The following ZFHX3 variants were observed in gnomAD, a reference collection of about 807,000 sequenced individuals.
The protein encoded by ZFHX3 is zinc finger homeobox 3.
Under a neutral mutation model 279.1 loss-of-function variants are expected in ZFHX3, and 42 were observed. The ratio of observed to expected loss-of-function variants is 0.15; its 90% CI spans 0.12 to 0.19. ZFHX3 has a LOEUF of 0.19. Ranked by LOEUF, ZFHX3 falls within the 10% of genes least tolerant of loss-of-function variation. ZFHX3 has a pLI of 1.00. For synonymous variants in ZFHX3, 2,293 were observed against 1,957.8 expected (o/e 1.17, Z -4.52); for missense variants, 4,981 against 4,754.0 (o/e 1.05, Z -1.40).
intron 2 of ZFHX3, among the ~76,000 whole-genome samples, chr16:73,524,204 C>A (rs1186853988): frequency 6.6e-6 from 1 of 152,156 alleles, no homozygotes; most frequent in Non-Finnish European, 1.5e-5. Flanking sequence ...GGCATACAGG[C>A]AACACTGGCC....
chr16:72,802,590 G>A (rs2036140009), intron 7 of ZFHX3, among the ~76,000 whole-genome samples: 1 of 152,082 alleles, frequency 6.6e-6, no homozygotes, highest in Non-Finnish European at 1.5e-5. Flanking sequence ...AAATTTTGAT[G>A]GGCAAGAAAT....
intron 1 of ZFHX3, among the ~76,000 whole-genome samples, chr16:73,045,787 CAAA>C (rs1240516127): frequency 6.8e-4 from 29 of 42,868 alleles, no homozygotes; most frequent in Non-Finnish European, 1.1e-3. Flanking sequence ...ACAGCCATTT[CAAA>C]AAAAAAAAAA....
chr16:73,396,695 A>G (rs112429775), intron 3 of ZFHX3, among the ~76,000 whole-genome samples: 12,107 of 152,262 alleles, frequency 0.08, 563 homozygotes, highest in Middle Eastern at 0.14. Context: ...CTCCCTCACT[A>G]TCAAGAGAAC....
chr16:73,069,148 G>A (rs1965793039), intron 8 of ZFHX3, among the ~76,000 whole-genome samples: 2 of 152,226 alleles, frequency 1.3e-5, no homozygotes, highest in South Asian at 2.1e-4. Context: ...CCTTGTTAAG[G>A]AAGTACTTCT....
intron 1 of ZFHX3, among the ~76,000 whole-genome samples, chr16:73,808,716 G>A (rs1402016212): frequency 6.6e-6 from 1 of 152,176 alleles, no homozygotes; most frequent in Non-Finnish European, 1.5e-5. Context: ...TATTAGTTTA[G>A]AGGGGAGGGG....
chr16:73,708,396 C>A (rs1239250274), intron 1 of ZFHX3, among the ~76,000 whole-genome samples: 2 of 152,098 alleles, frequency 1.3e-5, no homozygotes, highest in East Asian at 3.9e-4. Flanking sequence ...TAACATAAAT[C>A]CCAAATGATG....
rs1567451240 is a variant in ZFHX3 at position 73,325,928 on chromosome 16, A to ACACAAAAACACACACAC, written c.-1290-7593_-1290-7592insGTGTGTGTGTTTTTGTG. Among the ~76,000 whole-genome samples the ACACAAAAACACACACAC allele has an allele frequency of 1.0e-3, 152 of 145,572 alleles. No homozygotes were observed. The East Asian group carries it at 0.015, about 14-fold the overall frequency. On this transcript the variant is annotated intron_variant, in intron 3 of 17. Coordinates refer to the ZFHX3 transcript ENST00000641206. Reference sequence around the variant, plus strand: ...ACACACACACACACACACACACACAAACACACACACACACACACACACAGG... The same window carrying ACACAAAAACACACACAC: ...ACACACACACACACACACACACACAACACAAAAACACACACACACACACACACACACACACACACAGG...
At chr16:73,045,388 C>G (rs1198950785) in intron 1 of ZFHX3, among the ~76,000 whole-genome samples, 4 of 152,170 alleles carry the variant, frequency 2.6e-5, no homozygotes, top group Non-Finnish European at 4.4e-5. Context: ...CTAAATCTCG[C>G]TTATTTTAGC....
At chr16:72,886,391 G>C (rs1296574050) in intron 4 of ZFHX3, among the ~76,000 whole-genome samples, 2 of 151,912 alleles carry the variant, frequency 1.3e-5, no homozygotes, top group Non-Finnish European at 2.9e-5. Context: ...CACACTTCTC[G>C]GGGGAAAAAC....
chr16:73,786,487 T>A (rs1383280342), intron 1 of ZFHX3, among the ~76,000 whole-genome samples: 1 of 152,238 alleles, frequency 6.6e-6, no homozygotes, highest in Non-Finnish European at 1.5e-5. Context: ...GGATCTCAGC[T>A]GACAGTATCT....
At chr16:73,331,085 G>C (rs956768456) in intron 3 of ZFHX3, among the ~76,000 whole-genome samples, 1 of 152,124 alleles carries the variant, frequency 6.6e-6, no homozygotes, top group Admixed American at 6.5e-5. Flanking sequence ...CACATGGCTA[G>C]GGAGGCCTCA....
At chr16:73,244,846 C>T (rs1203088820) in intron 5 of ZFHX3, among the ~76,000 whole-genome samples, 1 of 152,200 alleles carries the variant, frequency 6.6e-6, no homozygotes, top group Non-Finnish European at 1.5e-5. Context: ...TGGCAGAGGA[C>T]TTAGAAACCA....
At chr16:73,392,460 T>C (rs1419144458) in intron 3 of ZFHX3, among the ~76,000 whole-genome samples, 1 of 67,878 alleles carries the variant, frequency 1.5e-5, no homozygotes, top group Non-Finnish European at 3.4e-5. Context: ...AAAAGAGAAA[T>C]AGCAACAAAA....
intron 5 of ZFHX3, among the ~76,000 whole-genome samples, chr16:73,214,353 G>C (rs1302270311): frequency 6.6e-6 from 1 of 152,130 alleles, no homozygotes; most frequent in Non-Finnish European, 1.5e-5. Context: ...GGGGTGCCCT[G>C]TATTTCCAGC....
intron 6 of ZFHX3, among the ~76,000 whole-genome samples, chr16:73,136,286 G>C (rs60030901): frequency 0.024 from 3,606 of 151,920 alleles, 151 homozygotes; most frequent in African/African-American, 0.082. Flanking sequence ...CTCCATTTTT[G>C]CCACTCTGAG....
chr16:73,310,968 C>T (rs1286980149), intron 4 of ZFHX3, among the ~76,000 whole-genome samples: 2 of 152,236 alleles, frequency 1.3e-5, no homozygotes, highest in East Asian at 3.8e-4. Flanking sequence ...TGCAGTGGCT[C>T]ACGCCTGTAA....
At chr16:73,088,472 C>A (rs1966035713) in intron 8 of ZFHX3, among the ~76,000 whole-genome samples, 1 of 152,146 alleles carries the variant, frequency 6.6e-6, no homozygotes, top group South Asian at 2.1e-4. Flanking sequence ...ATTTCATATA[C>A]CTGTACTTAC....
chr16:73,822,773 G>A (rs1000302328), intron 1 of ZFHX3, among the ~76,000 whole-genome samples: 4 of 152,172 alleles, frequency 2.6e-5, no homozygotes, highest in African/African-American at 9.7e-5. Context: ...GCCAGAAGAA[G>A]CCCCAGCTGG....
chr16:73,043,622 C>T (rs557359411), intron 1 of ZFHX3, among the ~76,000 whole-genome samples: 8 of 152,322 alleles, frequency 5.3e-5, no homozygotes, highest in African/African-American at 1.9e-4. Flanking sequence ...ACGGCCTTGT[C>T]CTCACCCACC....
Sources: allele counts gnomAD v4.1 joint callset (sites outside exome capture counted in the v4.1 genomes callset), GRCh38; gene constraint gnomAD v4.1.1; transcripts MANE v1.5; gene names NCBI Gene and HGNC (gene_info 2026-07-23, HGNC 2026-07-21).